Variants in CECR2 observed in about 807,000 individuals in gnomAD.
The protein encoded by CECR2 is chromatin remodeling regulator CECR2.
CECR2 carries 30 observed loss-of-function variants against 154.5 expected under a neutral mutation model. That is an observed-to-expected ratio of 0.19 (90% CI 0.15 to 0.26). The LOEUF (loss-of-function observed/expected upper bound fraction) is 0.26. Ranked by LOEUF, CECR2 falls within the 10% of genes least tolerant of loss-of-function variation. The pLI, the probability that CECR2 is intolerant of heterozygous loss-of-function variation, is 1.00. For synonymous variants in CECR2, 725 were observed against 683.7 expected (o/e 1.06, Z -0.94); for missense variants, 1,743 against 1,829.3 (o/e 0.95, Z 0.86).
chr22:17,390,992 G>A (rs1266341709), intron 1 of CECR2, among the ~76,000 whole-genome samples: 1 of 152,036 alleles, frequency 6.6e-6, no homozygotes, highest in African/African-American at 2.4e-5. Context: ...GAACCCCTGC[G>A]TACCCTTTAC....
rs1191805758 is a variant in CECR2, at chr22:17,504,787, A to G, written c.701-60A>G. ...ACCCACAGTAGAAACAAAATTGAGA[A>G]TAAATAAGGAAAGGTCCTCATGGGA... On this transcript the variant is annotated intron_variant, in intron 6 of 18. Coordinates refer to ENST00000262608, the MANE Select transcript of CECR2 (RefSeq NM_001290047.2). 1.1e-5 allele frequency: 16 copies of G among 1,474,906 alleles called. No individual in the cohort carries two copies. In the South Asian group the frequency reaches 1.4e-4, roughly 13 times the overall value. 91.4% of individuals were successfully genotyped at this position (1,474,906 alleles called of 1,614,324 possible). A position where few individuals can be genotyped will look rare whatever the true frequency, so the allele number is the denominator to read the frequency against.
intron 2 of CECR2, among the ~76,000 whole-genome samples, chr22:17,492,825 G>A (rs954662982): frequency 9.2e-5 from 14 of 152,162 alleles, no homozygotes; most frequent in African/African-American, 3.1e-4. Context: ...AAGTCATTAA[G>A]AGGGAATTGC....
At chr22:17,531,499 T>G (rs1296785) in intron 9 of CECR2, among the ~76,000 whole-genome samples, 31,847 of 152,074 alleles carry the variant, frequency 0.21, 3,545 homozygotes, top group African/African-American at 0.24. Context: ...CCCAGCCCCA[T>G]TATCACAAAG....
chr22:17,552,861 C>T lies in CECR2; in HGVS notation c.*21C>T. The T allele has an allele frequency of 1.9e-6, 3 of 1,539,932 alleles. No individual in the cohort carries two copies. Among genetic ancestry groups the T allele is most frequent in the Non-Finnish European group, 2.6e-6 (3 of 1,141,312 alleles). On this transcript the variant is annotated 3_prime_UTR_variant, in exon 19 of 19. Coordinates refer to ENST00000262608, the MANE Select transcript of CECR2 (RefSeq NM_001290047.2). ...GCTAGTCCAAGGAGGAAATGAGCCC[C>T]AAGCAATGGAAAGCTGCACACGAAG...
At chr22:17,544,617 C>G (rs2056581919) in intron 16 of CECR2, among the ~76,000 whole-genome samples, 1 of 151,560 alleles carries the variant, frequency 6.6e-6, no homozygotes. Flanking sequence ...TCAAGACCAG[C>G]CTGCCCAACA....
intron 1 of CECR2, among the ~76,000 whole-genome samples, chr22:17,407,264 TAGA>T (rs1041006184): frequency 1.3e-5 from 2 of 152,196 alleles, no homozygotes; most frequent in African/African-American, 4.8e-5. Flanking sequence ...TAGTGAGATA[TAGA>T]GCAAGGCTGG....
intron 7 of CECR2, among the ~76,000 whole-genome samples, chr22:17,505,347 A>C (rs2055820216): frequency 6.6e-6 from 1 of 151,910 alleles, no homozygotes; most frequent in African/African-American, 2.4e-5. Flanking sequence ...CTTTAAAAAA[A>C]AAAAAAATCT....
At chr22:17,481,586 A>G (rs1185173454) in intron 2 of CECR2, among the ~76,000 whole-genome samples, 1 of 152,174 alleles carries the variant, frequency 6.6e-6, no homozygotes, top group Non-Finnish European at 1.5e-5. Context: ...AACAGGGGCC[A>G]GCAAATGTTT....
chr22:17,533,323 C>CAA (rs142402299), intron 9 of CECR2, among the ~76,000 whole-genome samples: 10 of 97,086 alleles, frequency 1.0e-4, no homozygotes, highest in Non-Finnish European at 1.5e-4. Context: ...ACTCTATCTC[C>CAA]AAAAAAAAAA....
At chr22:17,431,373 CTG>C (rs1041420872) in intron 1 of CECR2, among the ~76,000 whole-genome samples, 59 of 152,314 alleles carry the variant, frequency 3.9e-4, no homozygotes, top group African/African-American at 1.2e-3. Flanking sequence ...ATTATAGTGT[CTG>C]TGCAAAACAT....
At chr22:17,532,977 G>A (rs575960476) in intron 9 of CECR2, among the ~76,000 whole-genome samples, 14 of 151,226 alleles carry the variant, frequency 9.3e-5, no homozygotes, top group African/African-American at 2.9e-4. Flanking sequence ...GCGCCTAGCC[G>A]CTCATTATTA....
At chr22:17,444,806 GT>G (rs2054634741) in intron 1 of CECR2, among the ~76,000 whole-genome samples, 1 of 152,178 alleles carries the variant, frequency 6.6e-6, no homozygotes, top group South Asian at 2.1e-4. Flanking sequence ...AAATCAAAGG[GT>G]TAGTAAAAGC....
rs4819448 is a variant in CECR2 at position 17,389,445 on chromosome 22, T to G, written c.126+19536T>G. The stretch of plus-strand genomic sequence containing the variant: ...TTGAAGACGTGATACCTTTCACTCC[T>G]TGACATTTTAGTGTTTTTATGACTT... On this transcript the variant is annotated intron_variant, in intron 1 of 18. Transcript: ENST00000262608. 7.9e-3 allele frequency among the ~76,000 whole-genome samples: 1,205 copies of G among 152,210 alleles called. 54 individuals are homozygous for G. The East Asian group carries it at 0.13, about 17-fold the overall frequency.
At chr22:17,378,036 T>C (rs535759046) in intron 1 of CECR2, among the ~76,000 whole-genome samples, 3 of 151,904 alleles carry the variant, frequency 2.0e-5, no homozygotes, top group Non-Finnish European at 4.4e-5. Flanking sequence ...CAGGCTGGAG[T>C]GCAGTGGCGC....
At chr22:17,552,189 A>G (rs764395805) in intron 18 of CECR2, 47 bp downstream of exon 18, 2 of 1,530,826 alleles carry the variant, frequency 1.3e-6, no homozygotes, top group African/African-American at 1.4e-5. Context: ...TCCAGGTGGT[A>G]GGAAGTAAGT....
chr22:17,377,843 T>C (rs554140607), intron 1 of CECR2, among the ~76,000 whole-genome samples: 14 of 152,332 alleles, frequency 9.2e-5, no homozygotes, highest in African/African-American at 3.1e-4. Flanking sequence ...GAGAAAGGAA[T>C]GAATGATTGG....
intron 1 of CECR2, among the ~76,000 whole-genome samples, chr22:17,412,552 C>A (rs1425379471): frequency 6.6e-6 from 1 of 152,108 alleles, no homozygotes; most frequent in Admixed American, 6.5e-5. Flanking sequence ...TAAGGGCTGT[C>A]TCCGCCCTCC....
At chr22:17,364,861 C>CA (rs1300773796), upstream of CECR2, among the ~76,000 whole-genome samples, 2 of 151,338 alleles carry the variant, frequency 1.3e-5, no homozygotes, top group Non-Finnish European at 1.5e-5. Flanking sequence ...AACAAAAAAA[C>CA]AAAAAATAAG....
chr22:17,543,269 A>T (rs1317224579), intron 16 of CECR2, among the ~76,000 whole-genome samples: 1 of 151,938 alleles, frequency 6.6e-6, no homozygotes, highest in Non-Finnish European at 1.5e-5. Flanking sequence ...AGTGTCTGGG[A>T]CTACAGGCAC....
Sources: allele counts gnomAD v4.1 joint callset (sites outside exome capture counted in the v4.1 genomes callset), GRCh38; gene constraint gnomAD v4.1.1; transcripts MANE v1.5; gene names NCBI Gene and HGNC (gene_info 2026-07-23, HGNC 2026-07-21).